Variants in GABRG3 observed in about 807,000 individuals in gnomAD.
GABRG3 encodes the protein gamma-aminobutyric acid receptor subunit gamma-3.
GABRG3 carries 25 observed loss-of-function variants against 48.8 expected under a neutral mutation model. The ratio of observed to expected loss-of-function variants is 0.51; its 90% CI spans 0.37 to 0.72. The LOEUF (loss-of-function observed/expected upper bound fraction) is 0.72, where lower values mean the gene tolerates loss of function less well. Ranked by LOEUF, GABRG3 falls within the 30% of genes least tolerant of loss-of-function variation. The pLI is 0.00. For synonymous variants in GABRG3, 227 were observed against 217.6 expected, an observed-to-expected ratio of 1.04 and a Z score of -0.38; for missense variants, 394 against 577.9, an observed-to-expected ratio of 0.68 and a Z score of 3.26.
At chr15:27,032,520 A>G (rs1455387351) in intron 3 of GABRG3, among the ~76,000 whole-genome samples, 1 of 152,162 alleles carries the variant, frequency 6.6e-6, no homozygotes, top group East Asian at 1.9e-4. Flanking sequence ...GAAGCTTCCA[A>G]TCATGGCAGA....
At chr15:27,294,109 A>G (rs1366824817) in intron 3 of GABRG3, among the ~76,000 whole-genome samples, 1 of 152,204 alleles carries the variant, frequency 6.6e-6, no homozygotes, top group African/African-American at 2.4e-5. Context: ...AGAGCATTCC[A>G]GTAAGAAGGG....
At chr15:27,093,445 A>G (rs775101210) in intron 3 of GABRG3, among the ~76,000 whole-genome samples, 3 of 152,132 alleles carry the variant, frequency 2.0e-5, no homozygotes, top group Non-Finnish European at 4.4e-5. Context: ...CATCGTAAGT[A>G]CTGTTTGTTA....
intron 3 of GABRG3, among the ~76,000 whole-genome samples, chr15:27,246,539 A>G (rs1890276325): frequency 6.6e-6 from 1 of 152,214 alleles, no homozygotes; most frequent in African/African-American, 2.4e-5. Context: ...CATTATCTAC[A>G]AAACTTTTCT....
At chr15:27,178,606 A>T (rs1467181238) in intron 3 of GABRG3, among the ~76,000 whole-genome samples, 1 of 152,244 alleles carries the variant, frequency 6.6e-6, no homozygotes, top group Non-Finnish European at 1.5e-5. Context: ...TAACCTTCAG[A>T]CTGAAGACCC....
At chr15:27,530,068 T>C (rs935344045) in intron 9 of GABRG3, among the ~76,000 whole-genome samples, 13 of 152,128 alleles carry the variant, frequency 8.5e-5, no homozygotes, top group Non-Finnish European at 1.9e-4. Context: ...TCTGCAGCCT[T>C]ATGCTAGTGA....
intron 3 of GABRG3, among the ~76,000 whole-genome samples, chr15:27,160,627 A>G (rs1349688170): frequency 6.6e-6 from 1 of 150,712 alleles, no homozygotes; most frequent in Admixed American, 6.6e-5. Flanking sequence ...TTTCTTTTTT[A>G]CAGCATCCTC....
intron 5 of GABRG3, among the ~76,000 whole-genome samples, chr15:27,446,045 A>C (rs1888935380): frequency 6.6e-6 from 1 of 152,162 alleles, no homozygotes. Context: ...AATAACTCTA[A>C]CTTTGCCACT....
At chr15:27,210,669 A>G (rs1889049142) in intron 3 of GABRG3, among the ~76,000 whole-genome samples, 1 of 152,178 alleles carries the variant, frequency 6.6e-6, no homozygotes, top group East Asian at 1.9e-4. Flanking sequence ...TTTATGTTGA[A>G]TGTTTAAACA....
chr15:27,336,327 T>A (rs1893976335), intron 5 of GABRG3, among the ~76,000 whole-genome samples: 1 of 147,290 alleles, frequency 6.8e-6, no homozygotes, highest in African/African-American at 2.5e-5. Context: ...AGAAAGAAGA[T>A]GAAGAAAAAG....
chr15:27,087,250 A>G (rs1897092770), intron 3 of GABRG3, among the ~76,000 whole-genome samples: 1 of 152,192 alleles, frequency 6.6e-6, no homozygotes, highest in Non-Finnish European at 1.5e-5. Context: ...ATGCCAGGGC[A>G]TGGGAGCCTT....
intron 5 of GABRG3, chr15:27,341,041 G>A (rs1187879692): frequency 2.1e-6 from 1 of 484,700 alleles, no homozygotes; most frequent in Non-Finnish European, 4.1e-6. Context: ...AGACTTCAGA[G>A]GCCTGAAAGC....
In GABRG3 at chr15:27,211,895, G is replaced by A. The variant is rs544961656; in HGVS notation, c.271-114914G>A. On this transcript the variant is annotated intron_variant, in intron 3 of 9. Coordinates refer to ENST00000615808, the MANE Select transcript of GABRG3 (RefSeq NM_033223.5). ...CCACATCTAACTTATTTCTAGATGAGTTACCATGCCCATCCCCTGAGAAAC... is the reference window on the plus strand; with the variant it reads ...CCACATCTAACTTATTTCTAGATGAATTACCATGCCCATCCCCTGAGAAAC... 6.6e-5 allele frequency among the ~76,000 whole-genome samples: 10 copies of A among 152,290 alleles called. No homozygotes were observed. The East Asian group carries it at 1.9e-3, about 29-fold the overall frequency.
intron 5 of GABRG3, among the ~76,000 whole-genome samples, chr15:27,377,596 C>T (rs9744723): frequency 0.32 from 47,942 of 151,826 alleles, 7,977 homozygotes; most frequent in African/African-American, 0.41. Flanking sequence ...TCTTGTGAGA[C>T]TTATTCACTA....
In GABRG3 at chr15:27,505,863, T is replaced by TA. The variant is rs568899041; in HGVS notation, c.713-14107dup. On this transcript the variant is annotated intron_variant, in intron 6 of 9. Transcript: ENST00000615808. ...CTATTTCTTTCTTAGATCCTTGGTATAATTTGCTAGTGAAGCCTTCTGTGA... is the reference window on the plus strand; with the variant it reads ...CTATTTCTTTCTTAGATCCTTGGTATAAATTTGCTAGTGAAGCCTTCTGTGA... 1.6e-4 allele frequency among the ~76,000 whole-genome samples: 24 copies of TA among 152,354 alleles called. No individual in the cohort carries two copies. In the South Asian group the frequency reaches 2.5e-3, roughly 16 times the overall value.
intron 5 of GABRG3, among the ~76,000 whole-genome samples, chr15:27,389,409 A>G (rs1328975089): frequency 6.6e-6 from 1 of 152,218 alleles, no homozygotes; most frequent in African/African-American, 2.4e-5. Context: ...CACCACAGGG[A>G]ACACACCATA....
At chr15:27,474,822 G>A (rs1340831964) in intron 5 of GABRG3, among the ~76,000 whole-genome samples, 1 of 152,116 alleles carries the variant, frequency 6.6e-6, no homozygotes, top group East Asian at 1.9e-4. Context: ...CTACTCTTGA[G>A]AAAAGTGGAT....
At chr15:27,172,253 A>C (rs1887596688) in intron 3 of GABRG3, among the ~76,000 whole-genome samples, 1 of 152,162 alleles carries the variant, frequency 6.6e-6, no homozygotes. Flanking sequence ...GGACAGGTGC[A>C]TGGAAGGAAG....
At chr15:27,475,522 G>A (rs1280503774) in intron 5 of GABRG3, among the ~76,000 whole-genome samples, 1 of 152,006 alleles carries the variant, frequency 6.6e-6, no homozygotes, top group Non-Finnish European at 1.5e-5. Flanking sequence ...GATGATGATG[G>A]TCATCATGAT....
At chr15:27,516,733 T>C (rs1891028305) in intron 6 of GABRG3, among the ~76,000 whole-genome samples, 1 of 152,332 alleles carries the variant, frequency 6.6e-6, no homozygotes, top group Middle Eastern at 3.4e-3. Flanking sequence ...TGGAACTTAC[T>C]AACTCTAAAA....
Sources: allele counts gnomAD v4.1 joint callset (sites outside exome capture counted in the v4.1 genomes callset), GRCh38; gene constraint gnomAD v4.1.1; transcripts MANE v1.5; gene names NCBI Gene and HGNC (gene_info 2026-07-23, HGNC 2026-07-21).